LRMDA: variants seen among roughly 807,000 people sequenced by gnomAD.
LRMDA encodes leucine-rich melanocyte differentiation-associated protein.
A neutral mutation model predicts 29.8 loss-of-function variants in LRMDA; 18 were observed. The observed-to-expected ratio is 0.60, with a 90% CI of 0.42 to 0.90. The LOEUF is 0.90. LRMDA is among the 40% of genes least tolerant of loss of function. The probability of loss-of-function intolerance (pLI) is 0.00; values close to 1 mark genes in which losing one functional copy is unlikely to be tolerated. For missense variants in LRMDA, 273 were observed against 273.9 expected (o/e 1.00, Z 0.02); for synonymous variants, 125 against 109.4 (o/e 1.14, Z -0.89).
intron 1 of LRMDA, among the ~76,000 whole-genome samples, chr10:75,432,989 G>A (rs1274571521): frequency 6.6e-6 from 1 of 152,158 alleles, no homozygotes; most frequent in Non-Finnish European, 1.5e-5. Flanking sequence ...CCACAGCCTG[G>A]GAGGAGAGAG....
chr10:76,129,647 G>C (rs977992767), intron 5 of LRMDA, among the ~76,000 whole-genome samples: 1 of 152,112 alleles, frequency 6.6e-6, no homozygotes, highest in South Asian at 2.1e-4. Flanking sequence ...GCTTGTTTGT[G>C]GATCTTCCTT....
intron 5 of LRMDA, among the ~76,000 whole-genome samples, chr10:76,083,790 C>T (rs375605693): frequency 4.7e-5 from 7 of 149,138 alleles, no homozygotes; most frequent in Admixed American, 6.7e-5. Flanking sequence ...GCTGAGATCG[C>T]GCCATTGCAC....
At chr10:76,042,560 T>C (rs183352543) in intron 3 of LRMDA, among the ~76,000 whole-genome samples, 205 of 152,294 alleles carry the variant, frequency 1.3e-3, no homozygotes, top group African/African-American at 4.7e-3. Flanking sequence ...AGGTATGAAA[T>C]GAATGTTTAT....
chr10:75,618,766 A>G (rs185342204), intron 2 of LRMDA, among the ~76,000 whole-genome samples: 32 of 123,492 alleles, frequency 2.6e-4, no homozygotes, highest in Admixed American at 8.1e-4. Context: ...AGGAAGAGAA[A>G]ATTATTTACT....
At chr10:75,624,363 A>G (rs1841224951) in intron 2 of LRMDA, among the ~76,000 whole-genome samples, 1 of 152,186 alleles carries the variant, frequency 6.6e-6, no homozygotes, top group African/African-American at 2.4e-5. Context: ...CCCTTAGAAT[A>G]TGTCTTTTTA....
intron 5 of LRMDA, among the ~76,000 whole-genome samples, chr10:76,120,828 C>CT (rs978706586): frequency 0.015 from 1,980 of 130,930 alleles, 23 homozygotes; most frequent in Non-Finnish European, 0.021. Context: ...GTTGATTGTT[C>CT]TTTTTTTTTT....
At chr10:76,261,354 G>C (rs370120463) in intron 5 of LRMDA, among the ~76,000 whole-genome samples, 1 of 151,928 alleles carries the variant, frequency 6.6e-6, no homozygotes, top group African/African-American at 2.4e-5. Flanking sequence ...TTACAGGCGT[G>C]AGCTACTGCG....
Position 75,962,887 on chromosome 10 carries a change from G to T in LRMDA, c.132-73121G>T, listed in dbSNP as rs368468897. 3.3e-5 allele frequency among the ~76,000 whole-genome samples: 5 copies of T among 152,260 alleles called. No individual in the cohort carries two copies. The South Asian group carries it at 6.2e-4, about 19-fold the overall frequency. On this transcript the variant is annotated intron_variant, in intron 2 of 6. Coordinates refer to ENST00000611255, the MANE Select transcript of LRMDA (RefSeq NM_001305581.2). The stretch of plus-strand genomic sequence containing the variant: ...TCTCTTTCCTAAGGCATAAGTCAAG[G>T]CCAGCGAGATGGCTTGGCCCACGGA...
chr10:75,738,923 A>G (rs1842797170), intron 2 of LRMDA, among the ~76,000 whole-genome samples: 1 of 152,162 alleles, frequency 6.6e-6, no homozygotes, highest in South Asian at 2.1e-4. Context: ...TTTTCTGGTT[A>G]CATTTTTCTC....
intron 5 of LRMDA, among the ~76,000 whole-genome samples, chr10:76,167,627 C>G (rs1850764615): frequency 6.6e-6 from 1 of 152,092 alleles, no homozygotes; most frequent in African/African-American, 2.4e-5. Context: ...TGTTTTTGTA[C>G]TAGTGCTAGG....
chr10:76,285,433 TA>T (rs10552977), intron 5 of LRMDA, among the ~76,000 whole-genome samples: 14,762 of 148,940 alleles, frequency 0.099, 1,813 homozygotes, highest in African/African-American at 0.29. Context: ...TGCTAAATAT[TA>T]AAAAAAAAAA....
chr10:76,228,928 GCCTAA>G (rs1852010239), intron 5 of LRMDA, among the ~76,000 whole-genome samples: 1 of 152,156 alleles, frequency 6.6e-6, no homozygotes. Context: ...AGTTAGCTTG[GCCTAA>G]TAACTCAGGA....
chr10:76,053,005 G>A (rs1056141879), intron 4 of LRMDA, among the ~76,000 whole-genome samples: 5 of 152,176 alleles, frequency 3.3e-5, no homozygotes, highest in South Asian at 4.2e-4. Flanking sequence ...AGCTGTCTCC[G>A]GGTGTCGCAG....
chr10:75,652,495 T>G (rs368390375), intron 2 of LRMDA, among the ~76,000 whole-genome samples: 1 of 152,274 alleles, frequency 6.6e-6, no homozygotes. Context: ...CTATTTTGTC[T>G]GATAAACTGC....
At chr10:76,478,875 C>A in intron 6 of LRMDA, among the ~76,000 whole-genome samples, 1 of 145,506 alleles carries the variant, frequency 6.9e-6, no homozygotes, top group African/African-American at 2.6e-5. Context: ...GGAAGGGGAA[C>A]ATCACACACC....
chr10:75,949,436 G>A (rs747171462), intron 2 of LRMDA, among the ~76,000 whole-genome samples: 1 of 152,188 alleles, frequency 6.6e-6, no homozygotes, highest in African/African-American at 2.4e-5. Flanking sequence ...AAAGTCTCAG[G>A]GGATAGCCAT....
At chr10:75,923,513 C>T (rs547803179) in intron 2 of LRMDA, among the ~76,000 whole-genome samples, 15 of 152,272 alleles carry the variant, frequency 9.9e-5, no homozygotes, top group Non-Finnish European at 2.2e-4. Flanking sequence ...TTATTGGTTC[C>T]AGTCTCATAA....
At chr10:76,228,361 G>A (rs1438172180) in intron 5 of LRMDA, among the ~76,000 whole-genome samples, 1 of 152,026 alleles carries the variant, frequency 6.6e-6, no homozygotes, top group Admixed American at 6.6e-5. Context: ...GGGTTCCTTG[G>A]TGCCCTCTGC....
intron 6 of LRMDA, among the ~76,000 whole-genome samples, chr10:76,547,159 T>A (rs1300878360): frequency 6.6e-6 from 1 of 152,216 alleles, no homozygotes; most frequent in African/African-American, 2.4e-5. Flanking sequence ...CATATCTTTT[T>A]GAACTTTCAT....
Sources: allele counts gnomAD v4.1 joint callset (sites outside exome capture counted in the v4.1 genomes callset), GRCh38; gene constraint gnomAD v4.1.1; transcripts MANE v1.5; gene names NCBI Gene and HGNC (gene_info 2026-07-23, HGNC 2026-07-21).